VIT: variants seen among roughly 807,000 people sequenced by gnomAD.
VIT encodes the protein vitrin.
In VIT, 99 loss-of-function variants were observed where a neutral mutation model predicts 78.0. The observed-to-expected ratio is 1.27, with a 90% CI of 1.08 to 1.50. The LOEUF (loss-of-function observed/expected upper bound fraction) is 1.50. Ranked by LOEUF, VIT falls within the 40% of genes most tolerant of loss-of-function variation. The probability of loss-of-function intolerance (pLI) is 0.00; values close to 1 mark genes in which losing one functional copy is unlikely to be tolerated. For missense variants in VIT, 1,126 were observed against 875.3 expected (o/e 1.29, Z -3.61); for synonymous variants, 374 against 334.3 (o/e 1.12, Z -1.29).
intron 9 of VIT, among the ~76,000 whole-genome samples, chr2:36,778,435 C>G (rs1483561758): frequency 6.6e-6 from 1 of 152,194 alleles, no homozygotes; most frequent in South Asian, 2.1e-4. Context: ...CAGAACCATC[C>G]TTATGCTGGT....
intron 3 of VIT, among the ~76,000 whole-genome samples, chr2:36,734,579 A>G (rs1160578464): frequency 6.6e-6 from 1 of 152,196 alleles, no homozygotes; most frequent in Non-Finnish European, 1.5e-5. Flanking sequence ...TAGAAGACGT[A>G]TGGGAAAAAT....
intron 2 of VIT, among the ~76,000 whole-genome samples, chr2:36,719,821 G>C (rs1230826135): frequency 1.3e-5 from 2 of 152,038 alleles, no homozygotes; most frequent in African/African-American, 2.4e-5. Context: ...TGTGACTGTA[G>C]TCCTAGCTAC....
At chr2:36,783,436 CTT>C (rs757120640) in intron 11 of VIT, 34 bp downstream of exon 11, 8 of 1,607,500 alleles carry the variant, frequency 5.0e-6, no homozygotes, top group Non-Finnish European at 3.4e-6. Flanking sequence ...CCCACGGTGT[CTT>C]TGACATCTGA....
At chr2:36,762,791 C>T (rs890695123) in intron 6 of VIT, among the ~76,000 whole-genome samples, 1 of 152,076 alleles carries the variant, frequency 6.6e-6, no homozygotes, top group African/African-American at 2.4e-5. Context: ...AGCATGACAA[C>T]CTTCTACCAT....
intron 7 of VIT, among the ~76,000 whole-genome samples, chr2:36,772,266 G>A (rs201163145): frequency 2.0e-5 from 3 of 151,820 alleles, no homozygotes; most frequent in East Asian, 3.9e-4. Context: ...AAAAACTTCC[G>A]TGGCTCACGC....
intron 2 of VIT, among the ~76,000 whole-genome samples, chr2:36,718,806 A>G (rs1044106209): frequency 1.3e-5 from 2 of 152,194 alleles, no homozygotes; most frequent in African/African-American, 4.8e-5. Context: ...CAATTGCTGT[A>G]TATGCCTGGC....
rs569575057 is a variant in VIT, at chr2:36,808,777, C to T, written c.1695C>T (p.Asp565=). 69 of 1,613,970 alleles carry T rather than the reference C, an allele frequency of 4.3e-5. No individual in the cohort carries two copies. In the South Asian group the frequency reaches 7.4e-4, roughly 17 times the overall value. The change falls in exon 15 of 16, where the codon GAC becomes GAT. Residue 565 remains aspartate, a synonymous_variant. Transcript: ENST00000379242. ...AACAGCGGCTGGAGTTTGGGTTCGA[C>T]AAGTACAGCAGCAAGCCTGACATCC... is the stretch of plus-strand genomic sequence containing the variant. ...TYEQRLEFGF[D]KYSSKPDILN...
intron 2 of VIT, among the ~76,000 whole-genome samples, chr2:36,721,350 C>T: frequency 6.6e-6 from 1 of 151,970 alleles, no homozygotes; most frequent in Non-Finnish European, 1.5e-5. Flanking sequence ...CACATAGTCC[C>T]CTCTCCAGGT....
At chr2:36,759,742 C>G (rs1668992910) in intron 6 of VIT, 2 of 889,898 alleles carry the variant, frequency 2.2e-6, no homozygotes, top group Admixed American at 6.1e-5. Context: ...CCTGATAGTT[C>G]AGGTTCTGTT....
chr2:36,777,866 T>C lies in VIT; in HGVS notation c.802+2799T>C, dbSNP rs139742293. Among the ~76,000 whole-genome samples the C allele has an allele frequency of 7.7e-4, 117 of 152,252 alleles. 1 individual carries two copies. In the East Asian group the frequency reaches 0.016, roughly 21 times the overall value. On this transcript the variant is annotated intron_variant, in intron 9 of 15. Transcript: ENST00000379242. ...CACCTGTCTCCATTCCCTTTACTGA[T>C]AAAAATATATCACATGGGGCAACCG...
At chr2:36,734,440 G>A (rs1667386788) in intron 3 of VIT, among the ~76,000 whole-genome samples, 2 of 152,254 alleles carry the variant, frequency 1.3e-5, no homozygotes, top group South Asian at 4.1e-4. Context: ...AGACTCTTGA[G>A]GATCTAGTGC....
Position 36,806,654 on chromosome 2 carries a change from C to A in VIT, c.1389+990C>A, listed in dbSNP as rs529697117. The stretch of plus-strand genomic sequence containing the variant: ...CTCCGCCTCCCAGCTTCAAGCAATT[C>A]TCCTGCCTCAGCCTCCCAAATAGCT... On this transcript the variant is annotated intron_variant, in intron 14 of 15. Transcript: ENST00000379242. Among the ~76,000 whole-genome samples, 181 of 152,318 alleles carry A rather than the reference C, an allele frequency of 1.2e-3. 1 individual carries two copies. The highest frequency in any genetic ancestry group is 4.3e-3 in the African/African-American group (177 of 41,574).
intron 3 of VIT, among the ~76,000 whole-genome samples, chr2:36,742,339 CA>C (rs1558531340): frequency 6.6e-6 from 1 of 152,084 alleles, no homozygotes; most frequent in Non-Finnish European, 1.5e-5. Context: ...ATAGCAAAGC[CA>C]AAACAGAGGG....
intron 1 of VIT, among the ~76,000 whole-genome samples, chr2:36,699,547 G>A (rs1664895738): frequency 6.7e-6 from 1 of 149,574 alleles, no homozygotes; most frequent in Admixed American, 6.7e-5. Context: ...CATATATATA[G>A]ATGTCTCCAT....
intron 13 of VIT, 46 bp from the exon 14 acceptor site, chr2:36,805,392 A>G (rs1156637777): frequency 1.3e-6 from 2 of 1,524,084 alleles, no homozygotes; most frequent in East Asian, 2.3e-5. Flanking sequence ...TCCTGTATTT[A>G]TAATCAGCGT....
At chr2:36,705,305 C>T (rs1268177779) in intron 1 of VIT, among the ~76,000 whole-genome samples, 1 of 152,092 alleles carries the variant, frequency 6.6e-6, no homozygotes, top group African/African-American at 2.4e-5. Context: ...CTTTAGAGCT[C>T]ATTTGGGGCA....
intron 3 of VIT, among the ~76,000 whole-genome samples, chr2:36,731,192 A>C (rs1042514869): frequency 6.6e-6 from 1 of 152,132 alleles, no homozygotes; most frequent in African/African-American, 2.4e-5. Context: ...TTAAAGCTAC[A>C]TCCAGAAAGT....
Position 36,808,904 on chromosome 2 carries a change from A to G in VIT, c.1822A>G (p.Lys608Glu). 8.1e-6 allele frequency: 13 copies of G among 1,614,062 alleles called. No individual in the cohort carries two copies. The highest frequency in any genetic ancestry group is 1.1e-5 in the Non-Finnish European group (13 of 1,179,976). The change falls in exon 15 of 16, where the codon AAG (lysine) becomes GAG (glutamate). Residue 608 changes from lysine to glutamate, a missense_variant. Lys to Glu is a moderately conservative substitution (Grantham distance 56). Coordinates refer to ENST00000379242, the MANE Select transcript of VIT (RefSeq NM_053276.4). ...EQLFKKSKPN[K>E]RKLMILITDG... ...GCTCTTCAAGAAGTCCAAGCCCAACAAGAGGAAGTTAATGATCCTCATCAC... is the reference window on the plus strand; with the variant it reads ...GCTCTTCAAGAAGTCCAAGCCCAACGAGAGGAAGTTAATGATCCTCATCAC...
At chr2:36,767,013 A>C in intron 6 of VIT, 81 bp from the exon 7 acceptor site, 1 of 1,397,290 alleles carries the variant, frequency 7.2e-7, no homozygotes, top group Non-Finnish European at 9.4e-7. Flanking sequence ...CTAGTGTTCA[A>C]TCAACATTTA....
Sources: allele counts gnomAD v4.1 joint callset (sites outside exome capture counted in the v4.1 genomes callset), GRCh38; gene constraint gnomAD v4.1.1; transcripts MANE v1.5; gene names NCBI Gene and HGNC (gene_info 2026-07-23, HGNC 2026-07-21).